Variants in FHAD1 observed in about 807,000 individuals in gnomAD.
FHAD1 encodes the protein forkhead-associated domain-containing protein 1.
In FHAD1, 146 loss-of-function variants were observed where a neutral mutation model predicts 191.3. The observed-to-expected ratio is 0.76, with a 90% CI of 0.67 to 0.88. The LOEUF (loss-of-function observed/expected upper bound fraction) is 0.88. FHAD1 is among the 40% of genes least tolerant of loss of function. The pLI, the probability that FHAD1 is intolerant of heterozygous loss-of-function variation, is 0.00. For synonymous variants in FHAD1, 616 were observed against 672.3 expected (o/e 0.92, Z 1.29); for missense variants, 1,635 against 1,785.8 (o/e 0.92, Z 1.52).
rs777225847 is a variant in FHAD1 at position 15,397,422 on chromosome 1, C to T, written c.*9C>T. 1.3e-5 allele frequency: 18 copies of T among 1,434,658 alleles called. 1 individual carries two copies. The South Asian group carries it at 1.6e-4, about 12-fold the overall frequency. The allele number at this position is 1,434,658 out of a possible 1,614,324, so 88.9% of individuals were successfully genotyped here. A position where few individuals can be genotyped will look rare whatever the true frequency, so the allele number is the denominator to read the frequency against. On this transcript the variant is annotated 3_prime_UTR_variant, in exon 34 of 34. Coordinates refer to ENST00000688493, the MANE Select transcript of FHAD1 (RefSeq NM_001391957.1). ...CCAGTGGAAAGTACTAGAGAAACCT[C>T]GTCCCACCAGGCCTCATGTGATCCT...
intron 5 of FHAD1, among the ~76,000 whole-genome samples, chr1:15,299,051 C>T (rs973933611): frequency 1.0e-4 from 15 of 149,604 alleles, no homozygotes; most frequent in African/African-American, 2.5e-4. Context: ...AACAAAAAAA[C>T]GAGCCACCCA....
Position 15,329,268 on chromosome 1 carries a change from C to A in FHAD1, c.1711-78C>A, listed in dbSNP as rs990147959. 4 of 1,223,732 alleles carry A rather than the reference C, an allele frequency of 3.3e-6. No individual in the cohort carries two copies. Among genetic ancestry groups the A allele is most frequent in the Non-Finnish European group, 4.5e-6 (4 of 896,338 alleles). The allele number at this position is 1,223,732 out of a possible 1,614,324, so 75.8% of individuals were successfully genotyped here. A position where few individuals can be genotyped will look rare whatever the true frequency, so the allele number is the denominator to read the frequency against. ...GCCTGCTTCGTGGCAGAGTCAAGAA[C>A]GCTGTTCCTCGAAGGTCACGTCAGG... On this transcript the variant is annotated intron_variant, in intron 13 of 33. Transcript: ENST00000688493. This position sits in a 1 kb window ranked among gnomAD's most constrained non-coding sequence, Gnocchi z 5.0.
chr1:15,266,409 CTT>C (rs112177423), intron 2 of FHAD1, among the ~76,000 whole-genome samples: 4 of 140,648 alleles, frequency 2.8e-5, no homozygotes, highest in Admixed American at 7.1e-5. Flanking sequence ...CTGGCCTAGA[CTT>C]TTTTTTTTTT....
At chr1:15,259,789 G>A (rs1350558925) in intron 2 of FHAD1, among the ~76,000 whole-genome samples, 4 of 152,146 alleles carry the variant, frequency 2.6e-5, no homozygotes, top group South Asian at 4.1e-4. Flanking sequence ...CTCAGGTGTC[G>A]GGGACAGCTC....
At chr1:15,299,877 T>C (rs1163715603) in intron 5 of FHAD1, among the ~76,000 whole-genome samples, 1 of 152,220 alleles carries the variant, frequency 6.6e-6, no homozygotes, top group Admixed American at 6.5e-5. Context: ...CTTTGAAATG[T>C]TGCCACAAGC....
chr1:15,268,986 C>T (rs1278283604), intron 2 of FHAD1, among the ~76,000 whole-genome samples: 3 of 151,908 alleles, frequency 2.0e-5, no homozygotes, highest in East Asian at 1.9e-4. Flanking sequence ...ATAAATATTC[C>T]ATAATAAATA....
At chr1:15,367,643 G>GT in intron 25 of FHAD1, 21 bp downstream of exon 25, 1 of 662,564 alleles carries the variant, frequency 1.5e-6, no homozygotes, top group South Asian at 1.8e-5. Flanking sequence ...CGGGGGCCGG[G>GT]TTGGGGGGAT....
In FHAD1 at chr1:15,247,269, G is replaced by A. The variant is rs1369701465; in HGVS notation, c.-141G>A. On this transcript the variant is annotated 5_prime_UTR_variant, in exon 1 of 34. Coordinates refer to ENST00000688493, the MANE Select transcript of FHAD1 (RefSeq NM_001391957.1). The stretch of plus-strand genomic sequence containing the variant: ...CACAGGCCGGCCGGGCGGGCGGGGT[G>A]CCGGGTGCGAGCTGGAGACTCCGCG... 1 of 182,712 alleles carries A rather than the reference G, an allele frequency of 5.5e-6. No homozygotes were observed. The allele number at this position is 182,712 out of a possible 1,614,324, so 11.3% of individuals were successfully genotyped here. A position where few individuals can be genotyped will look rare whatever the true frequency, so the allele number is the denominator to read the frequency against.
intron 4 of FHAD1, among the ~76,000 whole-genome samples, chr1:15,293,872 T>C (rs1217734359): frequency 6.6e-6 from 1 of 152,214 alleles, no homozygotes; most frequent in Non-Finnish European, 1.5e-5. Context: ...GATGAGTAGA[T>C]TTCTCCACCT....
chr1:15,392,294 A>C (rs1368406843), intron 33 of FHAD1, among the ~76,000 whole-genome samples: 3 of 152,156 alleles, frequency 2.0e-5, no homozygotes, highest in Non-Finnish European at 4.4e-5. Context: ...GCACTTTGGG[A>C]GGCCAAGGCG....
Position 15,325,851 on chromosome 1 carries a change from G to A in FHAD1, c.1474-1208G>A, listed in dbSNP as rs531886838. 1 of 153,104 alleles carries A rather than the reference G, an allele frequency of 6.5e-6. No individual in the cohort carries two copies. Among genetic ancestry groups the A allele is most frequent in the Non-Finnish European group, 1.5e-5 (1 of 68,648 alleles). The allele number at this position is 153,104 out of a possible 1,614,324, so 9.5% of individuals were successfully genotyped here. On this transcript the variant is annotated intron_variant, in intron 11 of 33. Transcript: ENST00000688493. This position sits in a 1 kb window ranked among gnomAD's most constrained non-coding sequence, Gnocchi z 4.6. ...CCCTCTCCTGTATCTCCAAGGCCCT[G>A]CTCCCTGTCCAATAGTCTGCCCTTC...
chr1:15,296,479 T>A (rs1667017234), intron 4 of FHAD1, among the ~76,000 whole-genome samples: 1 of 152,142 alleles, frequency 6.6e-6, no homozygotes, highest in African/African-American at 2.4e-5. Context: ...GGTCTCAATC[T>A]TCTGACTGCA....
chr1:15,368,276 A>G (rs1319722132), intron 25 of FHAD1, among the ~76,000 whole-genome samples: 4 of 151,782 alleles, frequency 2.6e-5, no homozygotes, highest in Non-Finnish European at 4.4e-5. Flanking sequence ...GCCCGGCCCC[A>G]TTGCCTGTTT....
chr1:15,251,080 C>G (rs1646712774), intron 1 of FHAD1, among the ~76,000 whole-genome samples: 1 of 151,776 alleles, frequency 6.6e-6, no homozygotes, highest in Non-Finnish European at 1.5e-5. Flanking sequence ...TACTTGAGCT[C>G]AAGAGTTTGA....
rs571260 is a variant in FHAD1 at position 15,329,251 on chromosome 1, C to G, written c.1711-95C>G. 1 of 1,046,540 alleles carries G rather than the reference C, an allele frequency of 9.6e-7. No homozygotes were observed. The highest frequency in any genetic ancestry group is 1.3e-6 in the Non-Finnish European group (1 of 750,018). 64.8% of individuals were successfully genotyped at this position (1,046,540 alleles called of 1,614,324 possible). On this transcript the variant is annotated intron_variant, in intron 13 of 33. Transcript: ENST00000688493. This position sits in a 1 kb window ranked among gnomAD's most constrained non-coding sequence, Gnocchi z 5.0. ...GGCCAATACGTGGCGCTGCCTGCTT[C>G]GTGGCAGAGTCAAGAACGCTGTTCC...
chr1:15,242,495 T>G (rs147100718), upstream of FHAD1, among the ~76,000 whole-genome samples: 3 of 152,118 alleles, frequency 2.0e-5, no homozygotes, highest in Non-Finnish European at 4.4e-5. Context: ...TCACTGTCAC[T>G]CAAAAAAATA....
At chr1:15,296,135 C>T (rs984590560) in intron 4 of FHAD1, among the ~76,000 whole-genome samples, 3 of 152,128 alleles carry the variant, frequency 2.0e-5, no homozygotes, top group Non-Finnish European at 4.4e-5. Context: ...GAAAGAGACA[C>T]ATCACGTTGG....
At chr1:15,270,464 A>C (rs1655429766) in intron 2 of FHAD1, among the ~76,000 whole-genome samples, 2 of 152,166 alleles carry the variant, frequency 1.3e-5, no homozygotes, top group South Asian at 4.1e-4. Flanking sequence ...ATGGGAAACT[A>C]TCTCTAGATT....
chr1:15,400,816 G>C (rs566268666), downstream of FHAD1, among the ~76,000 whole-genome samples: 2 of 152,228 alleles, frequency 1.3e-5, no homozygotes, highest in African/African-American at 4.8e-5. Flanking sequence ...GCCACAGGTT[G>C]CCAAGAACAG....
Sources: gnomAD v4.1 joint callset for allele counts (sites outside exome capture counted in the v4.1 genomes callset) on GRCh38, gnomAD v4.1.1 for gene constraint, Gnocchi (gnomAD v3.1) non-coding constraint, MANE v1.5 for transcripts, NCBI Gene and HGNC (gene_info 2026-07-23, HGNC 2026-07-21) for gene names.